ATP6V1B1: variants seen among roughly 807,000 people sequenced by gnomAD.
The protein encoded by ATP6V1B1 is V-type proton ATPase subunit B, kidney isoform.
A neutral mutation model predicts 62.1 loss-of-function variants in ATP6V1B1; 41 were observed. The observed-to-expected ratio is 0.66, with a 90% CI of 0.51 to 0.86. The LOEUF (loss-of-function observed/expected upper bound fraction) is 0.86, where lower values mean the gene tolerates loss of function less well. Ranked by LOEUF, ATP6V1B1 falls within the 40% of genes least tolerant of loss-of-function variation. The pLI is 0.00. For missense variants in ATP6V1B1, 651 were observed against 697.5 expected (o/e 0.93, Z 0.75); for synonymous variants, 253 against 273.4 (o/e 0.93, Z 0.74).
intron 2 of ATP6V1B1, among the ~76,000 whole-genome samples, chr2:70,945,742 A>ATATG (rs3982997): frequency 4.0e-5 from 5 of 126,514 alleles, no homozygotes; most frequent in South Asian, 5.1e-4. Flanking sequence ...ATATATATAT[A>ATATG]GTTGTTAACT....
rs1217069650 is a variant in ATP6V1B1 at position 70,963,486 on chromosome 2, C to A, written c.1061-86C>A. 4.5e-6 allele frequency: 7 copies of A among 1,539,842 alleles called. No individual in the cohort carries two copies. Among genetic ancestry groups the A allele is most frequent in the Admixed American group, 3.4e-5 (2 of 58,950 alleles). On this transcript the variant is annotated intron_variant, in intron 10 of 13. Transcript: ENST00000234396. The surrounding 1 kb of genome is among the most constrained non-coding windows in gnomAD (Gnocchi z 4.3). ...TGCCCCCCACACATCCCTATCACTCCCATGAGGGAAACAGACCCCAGGTGG... is the reference window on the plus strand; with the variant it reads ...TGCCCCCCACACATCCCTATCACTCACATGAGGGAAACAGACCCCAGGTGG...
intron 1 of ATP6V1B1, chr2:70,939,709 C>T (rs1243747224): frequency 6.6e-6 from 1 of 152,270 alleles, no homozygotes; most frequent in Non-Finnish European, 1.5e-5. Flanking sequence ...AGCTCTAAGA[C>T]ATCTGACGGG....
chr2:70,961,805 G>C, intron 8 of ATP6V1B1, 112 bp downstream of exon 8: 1 of 1,064,128 alleles, frequency 9.4e-7, no homozygotes, highest in Middle Eastern at 2.0e-4. Flanking sequence ...ATACGCCAGA[G>C]CTGGGAGAAC....
chr2:70,961,660 T>G lies in ATP6V1B1; in HGVS notation c.752T>G (p.Val251Gly), dbSNP rs370481432. Residue 251 changes from valine to glycine, a missense_variant, in exon 8 of 14, where the codon GTC becomes GGC. Val to Gly is a moderately radical substitution (Grantham distance 109, BLOSUM62 -3). Coordinates refer to ENST00000234396, the MANE Select transcript of ATP6V1B1 (RefSeq NM_001692.4). ...DFEQNGTMGN[V>G]CLFLNLANDP... ...GAGCAGAATGGAACCATGGGGAACGTCTGCCTCTTCCTGAACTTGGCCAAT... is the reference window on the plus strand; with the variant it reads ...GAGCAGAATGGAACCATGGGGAACGGCTGCCTCTTCCTGAACTTGGCCAAT... 1.8e-5 allele frequency: 29 copies of G among 1,614,090 alleles called. No individual in the cohort carries two copies. Among genetic ancestry groups the G allele is most frequent in the African/African-American group, 6.7e-5 (5 of 74,938 alleles).
At chr2:70,961,147 A>T in intron 7 of ATP6V1B1, 125 bp downstream of exon 7, 6 of 1,015,588 alleles carry the variant, frequency 5.9e-6, no homozygotes, top group Non-Finnish European at 7.5e-6. Flanking sequence ...AGGAGGGGTG[A>T]GGATGGGAGC....
chr2:70,954,875 G>A (rs1157300049), intron 2 of ATP6V1B1, among the ~76,000 whole-genome samples: 2 of 152,176 alleles, frequency 1.3e-5, no homozygotes, highest in Admixed American at 6.5e-5. Context: ...GATGCAATGC[G>A]TTTGCTCCAG....
In ATP6V1B1 at chr2:70,955,041, T is replaced by C. The variant is rs574449676; in HGVS notation, c.175-3005T>C. 2.0e-5 allele frequency among the ~76,000 whole-genome samples: 3 copies of C among 152,296 alleles called. No homozygotes were observed. In the East Asian group the frequency reaches 5.8e-4, roughly 29 times the overall value. On this transcript the variant is annotated intron_variant, in intron 2 of 13. Coordinates refer to ENST00000234396, the MANE Select transcript of ATP6V1B1 (RefSeq NM_001692.4). ...CTAGCTGTGGGTAAAGACTGGGACTTGGTGGCTCCCAGAGCGTGCACAGAC... is the reference window on the plus strand; with the variant it reads ...CTAGCTGTGGGTAAAGACTGGGACTCGGTGGCTCCCAGAGCGTGCACAGAC...
chr2:70,944,478 C>T (rs1195390343), intron 2 of ATP6V1B1, among the ~76,000 whole-genome samples: 1 of 151,730 alleles, frequency 6.6e-6, no homozygotes, highest in Non-Finnish European at 1.5e-5. Flanking sequence ...CCCTCTTGTC[C>T]CAGACCCCAC....
intron 1 of ATP6V1B1, chr2:70,941,186 G>C: frequency 8.2e-6 from 7 of 855,754 alleles, no homozygotes; most frequent in Non-Finnish European, 8.4e-6. Context: ...CCAGAGTGCT[G>C]GGATTACAGG....
intron 8 of ATP6V1B1, among the ~76,000 whole-genome samples, chr2:70,962,327 G>A (rs192906206): frequency 1.3e-5 from 2 of 152,302 alleles, no homozygotes; most frequent in South Asian, 2.1e-4. Context: ...TGAGAGGGAC[G>A]AAACCATCCA....
intron 4 of ATP6V1B1, 97 bp from the exon 5 acceptor site, chr2:70,958,921 G>A: frequency 8.2e-7 from 1 of 1,214,852 alleles, no homozygotes; most frequent in Admixed American, 1.9e-5. Flanking sequence ...ACTCCTGTGG[G>A]GAGTGGGTGG....
intron 1 of ATP6V1B1, chr2:70,942,350 T>C (rs1680025655): frequency 2.5e-6 from 1 of 398,546 alleles, no homozygotes; most frequent in Non-Finnish European, 4.4e-6. Context: ...CCCGGAGTTT[T>C]CCAAATGGTT....
At chr2:70,960,453 T>G (rs1680559524) in intron 6 of ATP6V1B1, among the ~76,000 whole-genome samples, 1 of 152,164 alleles carries the variant, frequency 6.6e-6, no homozygotes, top group Non-Finnish European at 1.5e-5. Flanking sequence ...TGACAAGGTC[T>G]CTAGATGCTC....
At chr2:70,943,595 C>A in intron 1 of ATP6V1B1, 63 bp from the exon 2 acceptor site, 2 of 1,536,390 alleles carry the variant, frequency 1.3e-6, no homozygotes, top group Non-Finnish European at 1.8e-6. Context: ...GCAGAGGATG[C>A]CTCTGTGTGT....
intron 1 of ATP6V1B1, among the ~76,000 whole-genome samples, chr2:70,937,700 G>C (rs1343207711): frequency 6.6e-6 from 1 of 151,920 alleles, no homozygotes; most frequent in Non-Finnish European, 1.5e-5. Flanking sequence ...TGCTGAGTGT[G>C]GTGTGTGATC....
At chr2:70,944,780 T>C (rs1233887226) in intron 2 of ATP6V1B1, among the ~76,000 whole-genome samples, 2 of 151,426 alleles carry the variant, frequency 1.3e-5, no homozygotes, top group Non-Finnish European at 2.9e-5. Flanking sequence ...GCTATTCTCC[T>C]GCCTCAGCCT....
chr2:70,960,824 G>T, intron 6 of ATP6V1B1, 97 bp from the exon 7 acceptor site: 2 of 992,806 alleles, frequency 2.0e-6, no homozygotes, highest in Non-Finnish European at 3.0e-6. Context: ...CTCTGGGCTT[G>T]GATCCCTCCC....
chr2:70,950,058 T>A (rs1680283684), intron 2 of ATP6V1B1, among the ~76,000 whole-genome samples: 1 of 152,184 alleles, frequency 6.6e-6, no homozygotes, highest in African/African-American at 2.4e-5. Flanking sequence ...TGTGGTTATC[T>A]TCTAACTAGA....
chr2:70,951,367 C>T (rs1286940483), intron 2 of ATP6V1B1, among the ~76,000 whole-genome samples: 2 of 152,142 alleles, frequency 1.3e-5, no homozygotes, highest in Non-Finnish European at 2.9e-5. Context: ...TGATACAATA[C>T]TTTAATCTAC....
Sources: allele counts gnomAD v4.1 joint callset (sites outside exome capture counted in the v4.1 genomes callset), GRCh38; gene constraint gnomAD v4.1.1; non-coding constraint Gnocchi (gnomAD v3.1); transcripts MANE v1.5; gene names NCBI Gene and HGNC (gene_info 2026-07-23, HGNC 2026-07-21).